The following NAV2 variants were observed in gnomAD, a reference collection of about 807,000 sequenced individuals.
NAV2 encodes the protein helicase, APC down-regulated 1.
Under a neutral mutation model 223.2 loss-of-function variants are expected in NAV2, and 54 were observed. The observed-to-expected ratio is 0.24, with a 90% CI of 0.19 to 0.30. NAV2 has a LOEUF of 0.30. Ranked by LOEUF, NAV2 falls within the 10% of genes least tolerant of loss-of-function variation. The pLI, the probability that NAV2 is intolerant of heterozygous loss-of-function variation, is 1.00. For missense variants in NAV2, 2,806 were observed against 3,147.5 expected (o/e 0.89, Z 2.60); for synonymous variants, 1,279 against 1,239.3 (o/e 1.03, Z -0.67).
chr11:19,759,719 A>G (rs1372411694), intron 1 of NAV2, among the ~76,000 whole-genome samples: 3 of 152,118 alleles, frequency 2.0e-5, no homozygotes, highest in Non-Finnish European at 4.4e-5. Flanking sequence ...CTGTTTGTAA[A>G]ATATAAATAA....
intron 2 of NAV2, among the ~76,000 whole-genome samples, chr11:19,838,649 G>A (rs11025284): frequency 0.57 from 86,850 of 152,028 alleles, 25,679 homozygotes; most frequent in African/African-American, 0.72. Context: ...TTTGAGACAG[G>A]GTCTCACTCT....
rs1300479345 is a variant in NAV2 at position 19,946,473 on chromosome 11, C to A, written c.2219C>A (p.Thr740Asn). ...GATCTGCGGCAGAATTTGGAGGAAA[C>A]CATGTCCAGTTTAAGGGGAACTCAG... ...IADLRQNLEE[T>N]MSSLRGTQVT... The change falls in exon 9 of 38, where the codon ACC (threonine) becomes AAC (asparagine). Residue 740 changes from threonine (T) to asparagine (N), a missense_variant. Coordinates refer to ENST00000349880, the MANE Select transcript of NAV2 (RefSeq NM_145117.5). 1 of 1,613,508 alleles carries A rather than the reference C, an allele frequency of 6.2e-7. No homozygotes were observed. The highest frequency in any genetic ancestry group is 8.5e-7 in the Non-Finnish European group (1 of 1,179,834).
chr11:19,792,727 T>C (rs545309151), intron 1 of NAV2, among the ~76,000 whole-genome samples: 18 of 152,156 alleles, frequency 1.2e-4, no homozygotes, highest in Non-Finnish European at 1.9e-4. Context: ...AATACTCTTA[T>C]CTCAGCATGC....
chr11:20,034,376 T>TTTTTTTTTTTG (rs1564889151), intron 11 of NAV2, among the ~76,000 whole-genome samples: 1 of 117,772 alleles, frequency 8.5e-6, no homozygotes. Context: ...TTTTTTTTTT[T>TTTTTTTTTTTG]TTTGTTTGTT....
intron 6 of NAV2, among the ~76,000 whole-genome samples, chr11:19,921,569 C>T (rs16937247): frequency 1.3e-5 from 2 of 152,092 alleles, no homozygotes; most frequent in African/African-American, 2.4e-5. Context: ...AAGCTGTTGA[C>T]AGAAGGCTTG....
At chr11:19,448,431 G>C (rs989484589) in intron 1 of NAV2, among the ~76,000 whole-genome samples, 1 of 152,190 alleles carries the variant, frequency 6.6e-6, no homozygotes, top group Non-Finnish European at 1.5e-5. Context: ...CTCTCATTGC[G>C]TGGATTGGAA....
At chr11:20,068,246 G>C (rs1442711) in intron 21 of NAV2, 37 bp downstream of exon 21, 324,035 of 1,611,312 alleles carry the variant, frequency 0.2, 36,614 homozygotes, top group East Asian at 0.5. Flanking sequence ...TCCTCTTTAA[G>C]TATTGTCAAT....
At chr11:19,945,100 C>CT (rs2046791017) in intron 8 of NAV2, among the ~76,000 whole-genome samples, 1 of 110,632 alleles carries the variant, frequency 9.0e-6, no homozygotes, top group African/African-American at 3.0e-5. Context: ...CTTCTCTTCT[C>CT]TTCTTTCTTT....
At chr11:19,992,501 A>G (rs1406396469) in intron 11 of NAV2, among the ~76,000 whole-genome samples, 1 of 152,064 alleles carries the variant, frequency 6.6e-6, no homozygotes, top group Non-Finnish European at 1.5e-5. Flanking sequence ...GCCCAACTTC[A>G]TAACTTTGTT....
At chr11:19,621,329 G>A (rs1288791911) in intron 1 of NAV2, among the ~76,000 whole-genome samples, 1 of 152,166 alleles carries the variant, frequency 6.6e-6, no homozygotes, top group East Asian at 1.9e-4. Flanking sequence ...CAGAAGGAAT[G>A]GTACCAGCTC....
chr11:19,652,839 T>C (rs2048009611), intron 1 of NAV2, among the ~76,000 whole-genome samples: 1 of 152,256 alleles, frequency 6.6e-6, no homozygotes, highest in South Asian at 2.1e-4. Context: ...CAGCTTTCCA[T>C]GGCAGCACAT....
rs755240561 is a variant in NAV2 at position 20,093,153 on chromosome 11, A to C, written c.5870A>C (p.His1957Pro). ...ECSARKEGGR[H>P]VKIVVSFQEE... ...TCGGCTCGGAAGGAAGGAGGCAGGCATGTTAAGATAGTTGTCAGCTTTCAG... is the reference window on the plus strand; with the variant it reads ...TCGGCTCGGAAGGAAGGAGGCAGGCCTGTTAAGATAGTTGTCAGCTTTCAG... The change falls in exon 29 of 38, where the codon CAT becomes CCT. Residue 1957 changes from histidine to proline, a missense_variant. His to Pro is a moderately conservative substitution (Grantham distance 77, BLOSUM62 -2). Transcript: ENST00000349880. 3 of 1,614,116 alleles carry C rather than the reference A, an allele frequency of 1.9e-6. No individual in the cohort carries two copies.
chr11:19,714,781 C>T (rs1219031933), intron 1 of NAV2, among the ~76,000 whole-genome samples: 3 of 152,178 alleles, frequency 2.0e-5, no homozygotes, highest in African/African-American at 7.2e-5. Flanking sequence ...CCAGACAAGC[C>T]CTGGCCGTGC....
intron 1 of NAV2, among the ~76,000 whole-genome samples, chr11:19,565,855 C>T (rs571705210): frequency 2.5e-4 from 38 of 152,238 alleles, no homozygotes; most frequent in African/African-American, 8.2e-4. Flanking sequence ...CATCTAAAGA[C>T]GAAATGCTCG....
intron 35 of NAV2, 81 bp from the exon 36 acceptor site, chr11:20,107,583 G>C: frequency 9.1e-7 from 1 of 1,101,566 alleles, no homozygotes; most frequent in Non-Finnish European, 1.4e-6. Flanking sequence ...TCCTGTGAAG[G>C]GTGCTCGGAC....
chr11:19,624,877 C>T (rs1323072864), intron 1 of NAV2, among the ~76,000 whole-genome samples: 3 of 152,206 alleles, frequency 2.0e-5, no homozygotes, highest in Non-Finnish European at 2.9e-5. Flanking sequence ...GGAGCTCTAC[C>T]TATTCGGCCA....
At chr11:19,687,122 C>T (rs1363851218) in intron 1 of NAV2, among the ~76,000 whole-genome samples, 1 of 152,198 alleles carries the variant, frequency 6.6e-6, no homozygotes, top group East Asian at 1.9e-4. Context: ...TGCCCAGAGG[C>T]TCAGAAGGTC....
chr11:19,675,340 T>C (rs888941403), intron 1 of NAV2, among the ~76,000 whole-genome samples: 2 of 152,220 alleles, frequency 1.3e-5, no homozygotes, highest in Non-Finnish European at 2.9e-5. Flanking sequence ...CAGTTATTTT[T>C]TAAGGCTTAA....
intron 1 of NAV2, among the ~76,000 whole-genome samples, chr11:19,772,933 A>C (rs897681777): frequency 2.6e-5 from 4 of 152,212 alleles, no homozygotes; most frequent in Admixed American, 6.5e-5. Flanking sequence ...GACACAAATT[A>C]GTTTATCAGA....
Sources: gnomAD v4.1 joint callset for allele counts (sites outside exome capture counted in the v4.1 genomes callset) on GRCh38, gnomAD v4.1.1 for gene constraint, MANE v1.5 for transcripts, NCBI Gene and HGNC (gene_info 2026-07-23, HGNC 2026-07-21) for gene names.